The following NRG3 variants were observed in gnomAD, a reference collection of about 807,000 sequenced individuals.
NRG3 encodes pro-neuregulin-3, membrane-bound isoform.
In NRG3, 31 loss-of-function variants were observed where a neutral mutation model predicts 66.9. The observed-to-expected ratio is 0.46, with a 90% CI of 0.35 to 0.63. The LOEUF (loss-of-function observed/expected upper bound fraction) is 0.63. Ranked by LOEUF, NRG3 falls within the 20% of genes least tolerant of loss-of-function variation. NRG3 has a pLI of 0.00. For synonymous variants in NRG3, 393 were observed against 359.4 expected (o/e 1.09, Z -1.06); for missense variants, 910 against 878.9 (o/e 1.04, Z -0.45).
chr10:82,111,929 C>A (rs1269883008), intron 1 of NRG3, among the ~76,000 whole-genome samples: 1 of 152,098 alleles, frequency 6.6e-6, no homozygotes, highest in Non-Finnish European at 1.5e-5. Flanking sequence ...TGAGGTTGCT[C>A]ATGTGAATTA....
intron 4 of NRG3, among the ~76,000 whole-genome samples, chr10:82,865,752 T>C (rs540266801): frequency 1.3e-5 from 2 of 152,268 alleles, no homozygotes; most frequent in South Asian, 4.1e-4. Flanking sequence ...ATAGGTTCTA[T>C]TTTCCTGCAC....
At chr10:81,880,733 A>AG (rs1271120583) in intron 1 of NRG3, among the ~76,000 whole-genome samples, 6 of 152,248 alleles carry the variant, frequency 3.9e-5, no homozygotes, top group Non-Finnish European at 8.8e-5. Context: ...CCTGAAGTAT[A>AG]TAAGAGCAAG....
intron 2 of NRG3, among the ~76,000 whole-genome samples, chr10:82,382,848 T>C (rs1262831332): frequency 6.6e-6 from 1 of 151,980 alleles, no homozygotes; most frequent in East Asian, 1.9e-4. Context: ...GCTATTCATA[T>C]GGTGTATTAA....
intron 2 of NRG3, among the ~76,000 whole-genome samples, chr10:82,727,265 T>A (rs371018239): frequency 4.3e-4 from 66 of 152,160 alleles, no homozygotes; most frequent in African/African-American, 1.6e-3. Context: ...GGGGAAAATG[T>A]CTCCAAGGTA....
At chr10:81,940,036 G>T (rs1411017688) in intron 1 of NRG3, among the ~76,000 whole-genome samples, 1 of 151,924 alleles carries the variant, frequency 6.6e-6, no homozygotes, top group African/African-American at 2.4e-5. Flanking sequence ...CTCATTCATT[G>T]TTCAAGAATG....
At chr10:82,337,854 C>A (rs1189367620) in intron 1 of NRG3, among the ~76,000 whole-genome samples, 3 of 152,044 alleles carry the variant, frequency 2.0e-5, no homozygotes, top group African/African-American at 7.2e-5. Context: ...GTCTATAATG[C>A]ATTGGGGTCT....
chr10:82,407,331 A>G (rs187156666), intron 2 of NRG3, among the ~76,000 whole-genome samples: 1 of 152,210 alleles, frequency 6.6e-6, no homozygotes, highest in East Asian at 1.9e-4. Flanking sequence ...CTCTTTTTGG[A>G]ATATGTAAAC....
intron 1 of NRG3, among the ~76,000 whole-genome samples, chr10:82,087,052 C>T (rs1490792291): frequency 6.6e-5 from 10 of 152,078 alleles, no homozygotes; most frequent in Admixed American, 5.9e-4. Flanking sequence ...TATGCCTTAT[C>T]CTCAGCTGAG....
intron 2 of NRG3, among the ~76,000 whole-genome samples, chr10:82,471,437 T>A (rs1394812436): frequency 6.6e-6 from 1 of 152,200 alleles, no homozygotes; most frequent in Non-Finnish European, 1.5e-5. Flanking sequence ...TATTGAGAGA[T>A]CATGGGACAT....
chr10:81,980,714 C>T (rs772346634), intron 1 of NRG3, among the ~76,000 whole-genome samples: 13 of 152,190 alleles, frequency 8.5e-5, no homozygotes, highest in Admixed American at 2.0e-4. Flanking sequence ...CTTTAAATAA[C>T]GGAAATTTCT....
intron 1 of NRG3, among the ~76,000 whole-genome samples, chr10:82,275,011 T>C (rs2078772055): frequency 6.6e-6 from 1 of 152,072 alleles, no homozygotes; most frequent in African/African-American, 2.4e-5. Context: ...TTTTGTGGAA[T>C]ATTTTCTCTG....
At chr10:82,443,741 T>G (rs1161916532) in intron 2 of NRG3, among the ~76,000 whole-genome samples, 1 of 152,190 alleles carries the variant, frequency 6.6e-6, no homozygotes, top group Non-Finnish European at 1.5e-5. Context: ...TGATTCTGAC[T>G]GAAATAACTG....
chr10:82,691,377 A>G (rs923966767), intron 2 of NRG3, among the ~76,000 whole-genome samples: 13 of 152,160 alleles, frequency 8.5e-5, no homozygotes, highest in Admixed American at 2.6e-4. Context: ...CATTACCTTT[A>G]TTTGATTTTC....
chr10:82,806,328 A>G (rs1169114705), intron 3 of NRG3, among the ~76,000 whole-genome samples: 14 of 152,308 alleles, frequency 9.2e-5, no homozygotes, highest in Non-Finnish European at 1.5e-5. Flanking sequence ...GAATACTTAG[A>G]TAAGACGGCA....
rs554923615 is a variant in NRG3 at position 82,349,806 on chromosome 10, C to T, written c.824-8933C>T. ...AAGCCAGTCGGAAAAGCGCAGTATT[C>T]GGGTGGGAGTGACCCGATTTTCCAG... is the stretch of plus-strand genomic sequence containing the variant. On this transcript the variant is annotated intron_variant, in intron 1 of 8. Coordinates refer to ENST00000372141, the MANE Select transcript of NRG3 (RefSeq NM_001010848.4). Among the ~76,000 whole-genome samples, 62 of 152,312 alleles carry T rather than the reference C, an allele frequency of 4.1e-4. 1 individual carries two copies. Among genetic ancestry groups the T allele is most frequent in the African/African-American group, 1.3e-3 (55 of 41,578 alleles).
intron 2 of NRG3, among the ~76,000 whole-genome samples, chr10:82,378,593 C>T (rs985810165): frequency 1.3e-5 from 2 of 151,586 alleles, no homozygotes; most frequent in East Asian, 1.9e-4. Flanking sequence ...TTCTTTTTGA[C>T]AGAGTTTTGC....
At chr10:82,748,005 A>G (rs538190792) in intron 3 of NRG3, among the ~76,000 whole-genome samples, 69 of 151,430 alleles carry the variant, frequency 4.6e-4, no homozygotes, top group Non-Finnish European at 9.2e-4. Flanking sequence ...TTCCAACAGA[A>G]TTTATTCAAT....
intron 2 of NRG3, among the ~76,000 whole-genome samples, chr10:82,594,182 A>G (rs2047140536): frequency 6.6e-6 from 1 of 152,184 alleles, no homozygotes; most frequent in Admixed American, 6.5e-5. Context: ...GAGAATACAA[A>G]GGAGATATGT....
chr10:82,185,951 A>G (rs1292693060), intron 1 of NRG3, among the ~76,000 whole-genome samples: 17 of 152,184 alleles, frequency 1.1e-4, no homozygotes. Context: ...TAAAAATATT[A>G]TTTGAATAGG....
Sources: allele counts gnomAD v4.1 joint callset (sites outside exome capture counted in the v4.1 genomes callset), GRCh38; gene constraint gnomAD v4.1.1; transcripts MANE v1.5; gene names NCBI Gene and HGNC (gene_info 2026-07-23, HGNC 2026-07-21).